Variants in CENPF observed in about 807,000 individuals in gnomAD.
The protein encoded by CENPF is centromere protein F.
A neutral mutation model predicts 307.3 loss-of-function variants in CENPF; 214 were observed. The ratio of observed to expected loss-of-function variants is 0.70; its 90% CI spans 0.62 to 0.78. The LOEUF (loss-of-function observed/expected upper bound fraction) is 0.78. CENPF is among the 30% of genes least tolerant of loss of function. The pLI is 0.00. For missense variants in CENPF, 3,401 were observed against 3,483.9 expected (o/e 0.98, Z 0.60); for synonymous variants, 1,259 against 1,270.6 (o/e 0.99, Z 0.19).
rs1248657074 is a variant in CENPF at position 214,616,869 on chromosome 1, C to A, written c.360-1704C>A. On this transcript the variant is annotated intron_variant, in intron 3 of 19. Transcript: ENST00000366955. ...TCTTTCTTTCTTTCTTTCTTTCTTT[C>A]TTTCTTTCTTTCTTTCTTTCTTTCT... is the stretch of plus-strand genomic sequence containing the variant. 4.5e-4 allele frequency among the ~76,000 whole-genome samples: 38 copies of A among 84,050 alleles called. 1 individual carries two copies. The highest frequency in any genetic ancestry group is 1.6e-3 in the African/African-American group (35 of 21,306). The allele number at this position is 84,050 out of a possible 152,430, so 55.1% of individuals were successfully genotyped here.
In CENPF at chr1:214,652,877, A is replaced by C; in HGVS notation, c.8210A>C (p.Glu2737Ala). The part of the protein sequence containing the change: ...TYREKLTSKE[E>A]CLSSQKLEID... ...CGAGAGAAATTGACTTCTAAAGAAG[A>C]ATGTCTCAGTTCACAGAAGCTGGAG... The change falls in exon 16 of 20, where the codon GAA becomes GCA. Residue 2737 changes from glutamate (E) to alanine (A), a missense_variant. Glu to Ala is a moderately radical substitution (Grantham distance 107). Coordinates refer to ENST00000366955, the MANE Select transcript of CENPF (RefSeq NM_016343.4). 1 of 1,606,178 alleles carries C rather than the reference A, an allele frequency of 6.2e-7. No individual in the cohort carries two copies. The highest frequency in any genetic ancestry group is 8.5e-7 in the Non-Finnish European group (1 of 1,177,714).
At chr1:214,661,249 G>A (rs540147492) in intron 19 of CENPF, among the ~76,000 whole-genome samples, 9 of 152,076 alleles carry the variant, frequency 5.9e-5, no homozygotes, top group Non-Finnish European at 1.3e-4. Flanking sequence ...ATGAGGAGAG[G>A]GACCTTTTGA....
At chr1:214,660,509 C>A (rs1658762202) in intron 19 of CENPF, among the ~76,000 whole-genome samples, 3 of 152,168 alleles carry the variant, frequency 2.0e-5, no homozygotes, top group Admixed American at 2.0e-4. Context: ...CAACTAGTGC[C>A]CCTAAACCGT....
At chr1:214,661,604 C>T (rs149477924) in intron 19 of CENPF, among the ~76,000 whole-genome samples, 80 of 152,268 alleles carry the variant, frequency 5.3e-4, no homozygotes, top group African/African-American at 1.9e-3. Context: ...TATTATGTCA[C>T]TGGGATGGAT....
chr1:214,663,036 C>G (rs955568207), intron 19 of CENPF, among the ~76,000 whole-genome samples: 1 of 152,136 alleles, frequency 6.6e-6, no homozygotes, highest in African/African-American at 2.4e-5. Flanking sequence ...CTTTAAAAGG[C>G]AGGATGTTTG....
Position 214,651,275 on chromosome 1 carries a change from T to A in CENPF, c.7984-435T>A, listed in dbSNP as rs533792310. Among the ~76,000 whole-genome samples the A allele has an allele frequency of 2.0e-5, 3 of 152,312 alleles. No individual in the cohort carries two copies. In the South Asian group the frequency reaches 6.2e-4, roughly 32 times the overall value. ...TTGGAGGGCATTTGGAAGGAAATTC[T>A]TATAGTGACAGAACTGGAGTCTAAG... is the stretch of plus-strand genomic sequence containing the variant. On this transcript the variant is annotated intron_variant, in intron 14 of 19. Transcript: ENST00000366955.
rs762090252 is a variant in CENPF, at chr1:214,648,664, T to C, written c.7831-11T>C. On this transcript the variant is annotated splice_polypyrimidine_tract_variant and intron_variant, in intron 13 of 19. Coordinates refer to ENST00000366955, the MANE Select transcript of CENPF (RefSeq NM_016343.4). ...CCAAAAAGCAGATTCTAATGAAAGA[T>C]GAAATTTCAGGTAAACAAAATGACT... is the stretch of plus-strand genomic sequence containing the variant. The C allele has an allele frequency of 1.9e-6, 3 of 1,611,080 alleles. No individual in the cohort carries two copies. Among genetic ancestry groups the C allele is most frequent in the African/African-American group, 1.3e-5 (1 of 74,592 alleles).
At position 214,620,741 on chromosome 1, in the gene CENPF, GCAA is replaced by G; in HGVS notation, c.661_663del (p.Gln221del). ...CTTCATCATCTGTGTTCTCATGGCA[GCAA>G]GAGAAGACCCCAAGTCATCTTTCAT... On this transcript the variant is annotated inframe_deletion, in exon 6 of 20. Coordinates refer to ENST00000366955, the MANE Select transcript of CENPF (RefSeq NM_016343.4). 1 of 1,614,098 alleles carries G rather than the reference GCAA, an allele frequency of 6.2e-7. No individual in the cohort carries two copies. The highest frequency in any genetic ancestry group is 8.5e-7 in the Non-Finnish European group (1 of 1,179,956).
chr1:214,650,206 G>A lies in CENPF; in HGVS notation c.7983+1379G>A, dbSNP rs577014357. Among the ~76,000 whole-genome samples, 651 of 152,224 alleles carry A rather than the reference G, an allele frequency of 4.3e-3. 3 individuals are homozygous for A. Among genetic ancestry groups the A allele is most frequent in the African/African-American group, 0.015 (614 of 41,536 alleles). On this transcript the variant is annotated intron_variant, in intron 14 of 19. Coordinates refer to ENST00000366955, the MANE Select transcript of CENPF (RefSeq NM_016343.4). ...CTATGCAACGACCAGGCAGTGGTGG[G>A]GAGCCTTCTAGGTCTAGAGAGCAGT...
rs867074305 is a variant in CENPF at position 214,646,985 on chromosome 1, G to A, written c.7415G>A (p.Ser2472Asn). 5.0e-6 allele frequency: 8 copies of A among 1,613,918 alleles called. No individual in the cohort carries two copies. Among genetic ancestry groups the A allele is most frequent in the African/African-American group, 2.7e-5 (2 of 74,890 alleles). Residue 2472 changes from serine to asparagine, a missense_variant, in exon 13 of 20, where the codon AGT (serine) becomes AAT (asparagine). By Grantham distance (46) the Ser-to-Asn change is conservative (BLOSUM62 1). Coordinates refer to ENST00000366955, the MANE Select transcript of CENPF (RefSeq NM_016343.4). ...EACKAKEQNLSSQVECLELEK... is the reference protein window; with the variant it reads ...EACKAKEQNLNSQVECLELEK... ...TGTAAGGCCAAAGAGCAGAATCTTAGTAGTCAAGTAGAGTGTCTTGAACTT... is the reference window on the plus strand; with the variant it reads ...TGTAAGGCCAAAGAGCAGAATCTTAATAGTCAAGTAGAGTGTCTTGAACTT...
At chr1:214,662,495 A>T (rs1658813565) in intron 19 of CENPF, among the ~76,000 whole-genome samples, 1 of 152,234 alleles carries the variant, frequency 6.6e-6, no homozygotes, top group Non-Finnish European at 1.5e-5. Flanking sequence ...GAAAGAATAT[A>T]AATGGGAAAA....
Position 214,635,680 on chromosome 1 carries a change from C to T in CENPF, c.1447-2186C>T, listed in dbSNP as rs182408842. Among the ~76,000 whole-genome samples the T allele has an allele frequency of 3.2e-3, 488 of 152,268 alleles. 4 individuals are homozygous for T. Among genetic ancestry groups the T allele is most frequent in the African/African-American group, 0.011 (442 of 41,562 alleles). On this transcript the variant is annotated intron_variant, in intron 10 of 19. Transcript: ENST00000366955. ...TTGGTCATAGCCATAGCATTATAAGCCTGCTGGGTCCCAGGATTGGCTGAA... is the reference window on the plus strand; with the variant it reads ...TTGGTCATAGCCATAGCATTATAAGTCTGCTGGGTCCCAGGATTGGCTGAA...
At chr1:214,626,499 C>A (rs1455217076) in intron 7 of CENPF, among the ~76,000 whole-genome samples, 1 of 152,186 alleles carries the variant, frequency 6.6e-6, no homozygotes, top group East Asian at 1.9e-4. Flanking sequence ...TATAAAGGAA[C>A]AATGGTGCTT....
chr1:214,608,494 A>G, intron 1 of CENPF: 1 of 1,612,510 alleles, frequency 6.2e-7, no homozygotes, highest in Admixed American at 1.7e-5. Context: ...GCTGTGCGAG[A>G]AGAGGACCGT....
Position 214,641,805 on chromosome 1 carries a change from T to C in CENPF, c.3467T>C (p.Leu1156Pro). Residue 1156 changes from leucine to proline, a missense_variant, in exon 12 of 20, where the codon CTG becomes CCG. By Grantham distance (98) the Leu-to-Pro change is moderately conservative (BLOSUM62 -3). Transcript: ENST00000366955. ...GACTTATTACAAGAGAATGAACAGC[T>C]GATGAAGGTAATGAAGACTAAACAT... ...VNDLLQENEQ[L>P]MKVMKTKHEC... The C allele has an allele frequency of 1.2e-6, 2 of 1,606,568 alleles. No individual in the cohort carries two copies. The highest frequency in any genetic ancestry group is 1.7e-6 in the Non-Finnish European group (2 of 1,178,248).
chr1:214,645,372 T>C lies in CENPF; in HGVS notation c.5802T>C (p.Cys1934=), dbSNP rs746565223. The C allele has an allele frequency of 3.7e-6, 6 of 1,614,056 alleles. No homozygotes were observed. The change falls in exon 13 of 20, where the codon TGT becomes TGC. Residue 1934 remains cysteine (C), a synonymous_variant. Transcript: ENST00000366955. ...AGGTAGTTCAAACAGAGAAGCTATG[T>C]TTAGAAAAAGACAATGAAAATAAGC... ...DLEVVQTEKL[C]LEKDNENKQK...
At chr1:214,648,397 C>T (rs1174276633) in intron 13 of CENPF, 3 of 552,808 alleles carry the variant, frequency 5.4e-6, no homozygotes, top group East Asian at 3.7e-5. Flanking sequence ...CAAATTAATA[C>T]CTTTGTGAAA....
Position 214,647,070 on chromosome 1 carries a change from A to G in CENPF, c.7500A>G (p.Gln2500=), listed in dbSNP as rs1481922022. 13 of 1,614,094 alleles carry G rather than the reference A, an allele frequency of 8.1e-6. No homozygotes were observed. The highest frequency in any genetic ancestry group is 2.2e-5 in the South Asian group (2 of 91,074). Residue 2500 remains glutamine, a synonymous_variant, in exon 13 of 20, where the codon CAA becomes CAG. Coordinates refer to ENST00000366955, the MANE Select transcript of CENPF (RefSeq NM_016343.4). ...CCAAAAATAATTATATTGTTTTGCA[A>G]TCTTCAGTGAATGGCCTCATTCAAG... is the stretch of plus-strand genomic sequence containing the variant. ...DEAKNNYIVL[Q]SSVNGLIQEV...
chr1:214,642,772 C>T lies in CENPF; in HGVS notation c.4434C>T (p.Ser1478=). 2 of 1,613,922 alleles carry T rather than the reference C, an allele frequency of 1.2e-6. No homozygotes were observed. The highest frequency in any genetic ancestry group is 1.7e-6 in the Non-Finnish European group (2 of 1,179,936). Residue 1478 remains serine, a synonymous_variant, in exon 12 of 20, where the codon TCC becomes TCT. Coordinates refer to ENST00000366955, the MANE Select transcript of CENPF (RefSeq NM_016343.4). ...LEEGLVPSLS[S]SCVPDSSSLS... ...AGGGGCTCGTTCCATCCCTGTCATC[C>T]TCTTGTGTGCCTGACAGCTCTAGTC...
Sources: allele counts gnomAD v4.1 joint callset (sites outside exome capture counted in the v4.1 genomes callset), GRCh38; gene constraint gnomAD v4.1.1; transcripts MANE v1.5; gene names NCBI Gene and HGNC (gene_info 2026-07-23, HGNC 2026-07-21).